The following RAB2A variants were observed in gnomAD, a reference collection of about 807,000 sequenced individuals.
RAB2A encodes RAB2A, member RAS oncogene family.
RAB2A carries 7 observed loss-of-function variants against 32.5 expected under a neutral mutation model. That is an observed-to-expected ratio of 0.22 (90% CI 0.12 to 0.40). The LOEUF is 0.40. RAB2A is among the 10% of genes least tolerant of loss of function. RAB2A has a pLI of 1.00. For missense variants in RAB2A, 108 were observed against 260.7 expected (o/e 0.41, Z 4.03); for synonymous variants, 79 against 85.2 (o/e 0.93, Z 0.40).
chr8:60,560,751 T>TTC (rs1808010438), intron 2 of RAB2A, among the ~76,000 whole-genome samples: 1 of 151,628 alleles, frequency 6.6e-6, no homozygotes, highest in East Asian at 1.9e-4. Context: ...GTTTTTTGTT[T>TTC]TTTTTTTTTA....
At chr8:60,591,024 A>T (rs1176779116) in intron 5 of RAB2A, among the ~76,000 whole-genome samples, 1 of 152,086 alleles carries the variant, frequency 6.6e-6, no homozygotes, top group African/African-American at 2.4e-5. Context: ...AATCTGGCAA[A>T]TAATATGTCA....
chr8:60,551,687 A>G (rs747930768), intron 1 of RAB2A, among the ~76,000 whole-genome samples: 1 of 151,940 alleles, frequency 6.6e-6, no homozygotes, highest in Non-Finnish European at 1.5e-5. Flanking sequence ...TTGATCTTTT[A>G]TTTTTACTAT....
chr8:60,606,636 T>A (rs1274311350), intron 6 of RAB2A, among the ~76,000 whole-genome samples: 1 of 152,230 alleles, frequency 6.6e-6, no homozygotes, highest in Non-Finnish European at 1.5e-5. Flanking sequence ...AGTACTATCA[T>A]ATACTACATT....
intron 2 of RAB2A, among the ~76,000 whole-genome samples, chr8:60,564,578 C>T (rs1480659422): frequency 6.6e-6 from 1 of 152,122 alleles, no homozygotes; most frequent in Non-Finnish European, 1.5e-5. Flanking sequence ...TCAACATCTC[C>T]TTCTCTTAGA....
At chr8:60,608,891 G>C (rs190716713) in intron 6 of RAB2A, among the ~76,000 whole-genome samples, 2 of 151,968 alleles carry the variant, frequency 1.3e-5, no homozygotes, top group African/African-American at 4.8e-5. Context: ...CAGTTAATAC[G>C]TATCACTTTT....
chr8:60,584,015 G>GCGTCT (rs2130848739), intron 3 of RAB2A, 193 bp from the exon 4 acceptor site: 1 of 492,896 alleles, frequency 2.0e-6, no homozygotes, highest in South Asian at 2.2e-5. Context: ...CACTACATGT[G>GCGTCT]CGTCTCGTTG....
At chr8:60,579,612 C>T (rs1382881440) in intron 3 of RAB2A, among the ~76,000 whole-genome samples, 1 of 150,208 alleles carries the variant, frequency 6.7e-6, no homozygotes, top group Admixed American at 6.7e-5. Context: ...TCAAACACAA[C>T]ATTTATAATT....
At chr8:60,589,461 C>T (rs1803900460) in intron 5 of RAB2A, among the ~76,000 whole-genome samples, 1 of 152,002 alleles carries the variant, frequency 6.6e-6, no homozygotes, top group Non-Finnish European at 1.5e-5. Context: ...CAGTAGGGAG[C>T]CAGTGAAGGG....
intron 2 of RAB2A, among the ~76,000 whole-genome samples, chr8:60,562,597 CAG>C (rs1254885615): frequency 6.6e-6 from 1 of 152,036 alleles, no homozygotes; most frequent in Non-Finnish European, 1.5e-5. Context: ...ATTCACTATG[CAG>C]AGTCTCAATA....
upstream of RAB2A, chr8:60,516,954 C>A (rs1034080205): frequency 2.6e-6 from 1 of 385,408 alleles, no homozygotes; most frequent in Admixed American, 4.7e-5. Flanking sequence ...CGGGTCGGCG[C>A]GGAGGCGGGG....
intron 1 of RAB2A, among the ~76,000 whole-genome samples, chr8:60,522,100 C>T (rs901909771): frequency 5.9e-5 from 9 of 152,112 alleles, no homozygotes; most frequent in Non-Finnish European, 1.2e-4. Context: ...TCATGGGGCA[C>T]ATGGGGAAAG....
At chr8:60,527,435 T>G (rs1020082766) in intron 1 of RAB2A, among the ~76,000 whole-genome samples, 4 of 152,122 alleles carry the variant, frequency 2.6e-5, no homozygotes, top group Admixed American at 2.6e-4. Context: ...TCAGGAAAAT[T>G]ACAATCATGG....
Position 60,618,654 on chromosome 8 carries a change from T to C in RAB2A, c.543+6T>C, listed in dbSNP as rs752806936. ...TCTTTGACATTAATAATGAGGTATA[T>C]ACATATAAATATTGTTGGTCAATAT... is the stretch of plus-strand genomic sequence containing the variant. On this transcript the variant is annotated splice_donor_region_variant and intron_variant, in intron 7 of 7. Coordinates refer to ENST00000262646, the MANE Select transcript of RAB2A (RefSeq NM_002865.3). The C allele has an allele frequency of 2.0e-6, 2 of 1,017,098 alleles. No homozygotes were observed. The highest frequency in any genetic ancestry group is 2.6e-6 in the Non-Finnish European group (2 of 757,556). The allele number at this position is 1,017,098 out of a possible 1,614,324, so 63.0% of individuals were successfully genotyped here. A position where few individuals can be genotyped will look rare whatever the true frequency, so the allele number is the denominator to read the frequency against.
At chr8:60,592,172 G>T in intron 6 of RAB2A, 1 of 353,742 alleles carries the variant, frequency 2.8e-6, no homozygotes, top group Non-Finnish European at 5.3e-6. Flanking sequence ...AAGCCTGAAT[G>T]TTTTCTTACA....
At chr8:60,577,792 ATTTTTTT>A (rs3055112) in intron 3 of RAB2A, among the ~76,000 whole-genome samples, 4,355 of 112,986 alleles carry the variant, frequency 0.039, 219 homozygotes, top group African/African-American at 0.14. Flanking sequence ...CGCCCGGCTA[ATTTTTTT>A]TTTTTTTTTT....
At chr8:60,578,848 G>T (rs1048133157) in intron 3 of RAB2A, among the ~76,000 whole-genome samples, 1 of 152,178 alleles carries the variant, frequency 6.6e-6, no homozygotes, top group East Asian at 1.9e-4. Context: ...AAATTATGGT[G>T]CAAAGGATCA....
Position 60,531,477 on chromosome 8 carries a change from A to G in RAB2A, c.46+14224A>G, listed in dbSNP as rs1028463620. Among the ~76,000 whole-genome samples the G allele has an allele frequency of 2.6e-5, 4 of 152,348 alleles. No individual in the cohort carries two copies. The South Asian group carries it at 8.3e-4, about 32-fold the overall frequency. On this transcript the variant is annotated intron_variant, in intron 1 of 7. Transcript: ENST00000262646. The stretch of plus-strand genomic sequence containing the variant: ...TGAGCTTAAAGTAAATAATATGTGA[A>G]GGTAAGGTGCCTTGTAAGCTGCAAA...
At chr8:60,537,228 T>C (rs1043342570) in intron 1 of RAB2A, among the ~76,000 whole-genome samples, 25 of 150,146 alleles carry the variant, frequency 1.7e-4, no homozygotes, top group Admixed American at 7.3e-4. Flanking sequence ...TTTGTTATAA[T>C]TTTTTTTTTG....
chr8:60,620,742 A>C lies in RAB2A; in HGVS notation c.612A>C (p.Gly204=). The C allele has an allele frequency of 6.2e-7, 1 of 1,613,664 alleles. No individual in the cohort carries two copies. The highest frequency in any genetic ancestry group is 8.5e-7 in the Non-Finnish European group (1 of 1,179,892). ...TNATHAGNQG[G]QQAGGGCC ...CAACACATGCAGGCAATCAGGGAGG[A>C]CAGCAGGCTGGGGGCGGCTGCTGTT... The change falls in exon 8 of 8, where the codon GGA becomes GGC. Residue 204 remains glycine, a synonymous_variant. Coordinates refer to ENST00000262646, the MANE Select transcript of RAB2A (RefSeq NM_002865.3).
Sources: allele counts gnomAD v4.1 joint callset (sites outside exome capture counted in the v4.1 genomes callset), GRCh38; gene constraint gnomAD v4.1.1; transcripts MANE v1.5; gene names NCBI Gene and HGNC (gene_info 2026-07-23, HGNC 2026-07-21).